Variants in SDK1 observed in about 807,000 individuals in gnomAD.
SDK1 encodes the protein sidekick cell adhesion molecule 1.
A neutral mutation model predicts 245.5 loss-of-function variants in SDK1; 157 were observed. The observed-to-expected ratio is 0.64, with a 90% CI of 0.56 to 0.73. SDK1 has a LOEUF of 0.73. Among genes scored for constraint, SDK1 ranks in the 30% least tolerant of loss-of-function variants. SDK1 has a pLI of 0.00. For synonymous variants in SDK1, 1,647 were observed against 1,278.5 expected, an observed-to-expected ratio of 1.29 and a Z score of -6.15; for missense variants, 3,583 against 3,002.3, an observed-to-expected ratio of 1.19 and a Z score of -4.52.
intron 4 of SDK1, among the ~76,000 whole-genome samples, chr7:3,645,692 G>A (rs1315309118): frequency 6.6e-6 from 1 of 152,126 alleles, no homozygotes; most frequent in East Asian, 1.9e-4. Flanking sequence ...TTTGACTGAA[G>A]ATGGGAGGGT....
At chr7:3,537,738 G>A (rs142473635) in intron 1 of SDK1, among the ~76,000 whole-genome samples, 6 of 152,282 alleles carry the variant, frequency 3.9e-5, no homozygotes, top group East Asian at 3.9e-4. Flanking sequence ...TTGATGTGTC[G>A]GCATTTTGAG....
At chr7:3,800,532 C>A (rs1779082002) in intron 4 of SDK1, among the ~76,000 whole-genome samples, 1 of 152,074 alleles carries the variant, frequency 6.6e-6, no homozygotes, top group South Asian at 2.1e-4. Context: ...CAGGTGCCCA[C>A]CACCACACCC....
Position 4,149,273 on chromosome 7 carries a change from C to A in SDK1, c.4435C>A (p.Pro1479Thr). 2.6e-6 allele frequency: 4 copies of A among 1,528,620 alleles called. No individual in the cohort carries two copies. Among genetic ancestry groups the A allele is most frequent in the Non-Finnish European group, 3.5e-6 (4 of 1,138,570 alleles). The allele number at this position is 1,528,620 out of a possible 1,614,324, so 94.7% of individuals were successfully genotyped here. A position where few individuals can be genotyped will look rare whatever the true frequency, so the allele number is the denominator to read the frequency against. The change falls in exon 30 of 45, where the codon CCC (proline) becomes ACC (threonine). Residue 1479 changes from proline (P) to threonine (T), a missense_variant. Transcript: ENST00000404826. The part of the protein sequence containing the change: ...ITTEKRERPA[P>T]PRELLVPQAE... Reference sequence around the variant, plus strand: ...TCATTTGGTTGCAGAGCGGCCGGCACCCCCCAGAGAGCTCCTGGTGCCCCA... The same window carrying A: ...TCATTTGGTTGCAGAGCGGCCGGCAACCCCCAGAGAGCTCCTGGTGCCCCA...
intron 19 of SDK1, among the ~76,000 whole-genome samples, chr7:4,065,703 T>G (rs912736152): frequency 7.4e-5 from 6 of 81,000 alleles, no homozygotes; most frequent in East Asian, 5.0e-4. Context: ...TGTTTTTTTT[T>G]TTTTTTTTTT....
chr7:3,711,099 C>T (rs1785037559), intron 4 of SDK1, among the ~76,000 whole-genome samples: 7 of 152,254 alleles, frequency 4.6e-5, no homozygotes, highest in South Asian at 2.1e-4. Context: ...AAAATAGTTT[C>T]GTATCCAAAA....
intron 4 of SDK1, among the ~76,000 whole-genome samples, chr7:3,740,341 C>A (rs922852341): frequency 2.6e-5 from 4 of 152,160 alleles, no homozygotes; most frequent in African/African-American, 9.7e-5. Flanking sequence ...GTTCAGAATC[C>A]CCTATGGCCA....
intron 35 of SDK1, among the ~76,000 whole-genome samples, chr7:4,203,449 G>T (rs1784007364): frequency 6.6e-6 from 1 of 151,990 alleles, no homozygotes; most frequent in African/African-American, 2.4e-5. Flanking sequence ...TTAAATGCCA[G>T]TTGCAGGCAA....
intron 1 of SDK1, among the ~76,000 whole-genome samples, chr7:3,340,717 T>G (rs1466300067): frequency 6.8e-6 from 1 of 147,622 alleles, no homozygotes; most frequent in Admixed American, 6.9e-5. Context: ...GAGCTGAGAT[T>G]GGACCACTGC....
chr7:3,549,890 C>T (rs1370978412), intron 1 of SDK1, among the ~76,000 whole-genome samples: 2 of 151,638 alleles, frequency 1.3e-5, no homozygotes, highest in Non-Finnish European at 2.9e-5. Context: ...TAAAATTTAG[C>T]CAGAAAGGAA....
intron 13 of SDK1, among the ~76,000 whole-genome samples, chr7:3,981,210 C>G (rs1026902076): frequency 6.6e-6 from 1 of 152,170 alleles, no homozygotes; most frequent in African/African-American, 2.4e-5. Flanking sequence ...GATCACTGAT[C>G]TTGAATGTTA....
intron 5 of SDK1, among the ~76,000 whole-genome samples, chr7:3,842,241 G>A (rs1304469795): frequency 6.6e-6 from 1 of 152,198 alleles, no homozygotes; most frequent in Admixed American, 6.5e-5. Context: ...GCCCAGTTGT[G>A]GAGTTATCCT....
intron 1 of SDK1, among the ~76,000 whole-genome samples, chr7:3,355,565 G>T (rs1433111792): frequency 6.6e-6 from 1 of 152,030 alleles, no homozygotes; most frequent in African/African-American, 2.4e-5. Flanking sequence ...CACCTTCTTA[G>T]ATCTTCCCCA....
chr7:4,220,017 A>T, intron 38 of SDK1, 92 bp from the exon 39 acceptor site: 1 of 1,443,834 alleles, frequency 6.9e-7, no homozygotes, highest in Non-Finnish European at 9.4e-7. Context: ...AACTGCAGGG[A>T]CCACTTTCCT....
intron 29 of SDK1, among the ~76,000 whole-genome samples, chr7:4,146,780 T>C (rs1237552495): frequency 6.6e-6 from 1 of 152,244 alleles, no homozygotes; most frequent in East Asian, 1.9e-4. Flanking sequence ...AGGTGCTCCA[T>C]GCACTGCACT....
chr7:3,768,536 G>C (rs1296334453), intron 4 of SDK1, among the ~76,000 whole-genome samples: 2 of 152,216 alleles, frequency 1.3e-5, no homozygotes, highest in African/African-American at 4.8e-5. Flanking sequence ...CTGATAATCT[G>C]AATGGATAGT....
intron 1 of SDK1, among the ~76,000 whole-genome samples, chr7:3,551,972 A>G (rs1297312393): frequency 6.6e-6 from 1 of 152,154 alleles, no homozygotes; most frequent in Non-Finnish European, 1.5e-5. Flanking sequence ...TATTAATACT[A>G]TGGCCTGGGT....
At chr7:4,158,312 C>T in intron 30 of SDK1, 136 bp from the exon 31 acceptor site, 1 of 659,554 alleles carries the variant, frequency 1.5e-6, no homozygotes, top group Non-Finnish European at 2.6e-6. Flanking sequence ...GCTAAGCTGT[C>T]TCGGGCCCAC....
intron 4 of SDK1, among the ~76,000 whole-genome samples, chr7:3,737,904 CTCT>C (rs1779363841): frequency 6.6e-6 from 1 of 152,228 alleles, no homozygotes; most frequent in Non-Finnish European, 1.5e-5. Flanking sequence ...AATCCCTCCA[CTCT>C]TCTTACCCTT....
intron 8 of SDK1, among the ~76,000 whole-genome samples, chr7:3,959,773 A>G (rs1781532684): frequency 6.6e-6 from 1 of 151,554 alleles, no homozygotes; most frequent in Non-Finnish European, 1.5e-5. Flanking sequence ...GCCGAATAGT[A>G]TTTGAATAGG....
Sources: gnomAD v4.1 joint callset for allele counts (sites outside exome capture counted in the v4.1 genomes callset) on GRCh38, gnomAD v4.1.1 for gene constraint, MANE v1.5 for transcripts, NCBI Gene and HGNC (gene_info 2026-07-23, HGNC 2026-07-21) for gene names.